MAP2: variants seen among roughly 807,000 people sequenced by gnomAD.
The protein encoded by MAP2 is microtubule-associated protein 2.
In MAP2, 14 loss-of-function variants were observed where a neutral mutation model predicts 137.6. The observed-to-expected ratio is 0.10, with a 90% CI of 0.07 to 0.16. The LOEUF (loss-of-function observed/expected upper bound fraction) is 0.16. MAP2 is among the 10% of genes least tolerant of loss of function. The probability of loss-of-function intolerance (pLI) is 1.00; values close to 1 mark genes in which losing one functional copy is unlikely to be tolerated. For missense variants in MAP2, 2,088 were observed against 2,191.5 expected (o/e 0.95, Z 0.94); for synonymous variants, 786 against 782.3 (o/e 1.00, Z -0.08).
intron 13 of MAP2, among the ~76,000 whole-genome samples, chr2:209,713,143 C>A (rs1034086236): frequency 6.6e-6 from 1 of 152,048 alleles, no homozygotes; most frequent in Non-Finnish European, 1.5e-5. Flanking sequence ...AAATTTGAAG[C>A]AATTAGGTTG....
At chr2:209,594,975 C>A (rs1308499304) in intron 3 of MAP2, among the ~76,000 whole-genome samples, 1 of 152,028 alleles carries the variant, frequency 6.6e-6, no homozygotes, top group East Asian at 1.9e-4. Flanking sequence ...ACAGGATAAC[C>A]CCTTCCCTAC....
chr2:209,457,230 C>T (rs1221680457), intron 1 of MAP2, among the ~76,000 whole-genome samples: 3 of 152,142 alleles, frequency 2.0e-5, no homozygotes, highest in Non-Finnish European at 4.4e-5. Context: ...GCTATGGCAG[C>T]TACCCAGATG....
chr2:209,690,556 A>G (rs1583527206), intron 7 of MAP2: 1 of 1,220,756 alleles, frequency 8.2e-7, no homozygotes, highest in Non-Finnish European at 1.0e-6. Context: ...CTGTCGTTTC[A>G]TGTATTGTTC....
intron 10 of MAP2, 78 bp downstream of exon 10, chr2:209,697,129 T>G: frequency 7.2e-7 from 1 of 1,389,648 alleles, no homozygotes; most frequent in East Asian, 2.4e-5. Flanking sequence ...TGTAGCAGCT[T>G]CTTCATTTTG....
At chr2:209,691,052 C>T (rs3768812) in intron 7 of MAP2, among the ~76,000 whole-genome samples, 77,808 of 152,112 alleles carry the variant, frequency 0.51, 21,857 homozygotes, top group Admixed American at 0.65. Context: ...GCAGCTGATT[C>T]CTGGTTTTCC....
chr2:209,516,532 A>G lies in MAP2; in HGVS notation c.-172+8891A>G, dbSNP rs548257369. 2.6e-5 allele frequency among the ~76,000 whole-genome samples: 4 copies of G among 152,190 alleles called. No individual in the cohort carries two copies. In the East Asian group the frequency reaches 7.7e-4, roughly 29 times the overall value. ...GGAGAATCAGTTAAACAACAGGAAT[A>G]AAAAAAGGGAAGGGTTAAGGAACTT... On this transcript the variant is annotated intron_variant, in intron 2 of 15. Coordinates refer to ENST00000682079, the MANE Select transcript of MAP2 (RefSeq NM_001375505.1).
At chr2:209,609,725 C>T (rs913446101) in intron 3 of MAP2, among the ~76,000 whole-genome samples, 6 of 152,142 alleles carry the variant, frequency 3.9e-5, no homozygotes, top group Non-Finnish European at 5.9e-5. Flanking sequence ...AGTTGACGGA[C>T]ATTTAAGTTG....
intron 1 of MAP2, among the ~76,000 whole-genome samples, chr2:209,468,393 C>T (rs1483042325): frequency 7.1e-6 from 1 of 140,292 alleles, no homozygotes; most frequent in Non-Finnish European, 1.5e-5. Context: ...CGATCTCGCT[C>T]ACTGCAAGCT....
chr2:209,445,965 A>T (rs1321974352), intron 1 of MAP2, among the ~76,000 whole-genome samples: 2 of 151,686 alleles, frequency 1.3e-5, no homozygotes, highest in Non-Finnish European at 3.0e-5. Context: ...GAATACCATA[A>T]AAAAATCAAT....
intron 4 of MAP2, among the ~76,000 whole-genome samples, chr2:209,640,458 T>C (rs995737223): frequency 2.6e-5 from 4 of 152,032 alleles, no homozygotes; most frequent in Non-Finnish European, 5.9e-5. Flanking sequence ...AAAACCAGAA[T>C]TGATTCTATA....
chr2:209,704,715 T>C, intron 11 of MAP2: 1 of 1,174,754 alleles, frequency 8.5e-7, no homozygotes, highest in Non-Finnish European at 1.2e-6. Context: ...TGAAAGCAAA[T>C]ACTTTACTCT....
intron 15 of MAP2, 40 bp downstream of exon 15, chr2:209,730,002 A>AAC: frequency 6.9e-7 from 1 of 1,441,172 alleles, no homozygotes; most frequent in Non-Finnish European, 9.7e-7. Context: ...TCTTTTTAAA[A>AAC]AAAATTCTTC....
intron 1 of MAP2, among the ~76,000 whole-genome samples, chr2:209,493,287 G>T (rs926941754): frequency 3.3e-5 from 5 of 152,148 alleles, no homozygotes; most frequent in Admixed American, 2.0e-4. Flanking sequence ...ATGCAAGATG[G>T]ATTAAAGATT....
chr2:209,488,339 A>G (rs925152037), intron 1 of MAP2, among the ~76,000 whole-genome samples: 2 of 152,110 alleles, frequency 1.3e-5, no homozygotes, highest in Non-Finnish European at 2.9e-5. Context: ...CCTGGGTTTC[A>G]AGCACAAAAC....
At chr2:209,705,927 G>A (rs1242337014) in intron 12 of MAP2, among the ~76,000 whole-genome samples, 200 bp downstream of exon 12, 3 of 152,078 alleles carry the variant, frequency 2.0e-5, no homozygotes, top group Non-Finnish European at 4.4e-5. Context: ...GGAGGAAATG[G>A]TAACATATTA....
At chr2:209,664,962 C>CAAAAAAAAAAAAAA (rs67286716) in intron 5 of MAP2, among the ~76,000 whole-genome samples, 7 of 51,782 alleles carry the variant, frequency 1.4e-4, no homozygotes, top group African/African-American at 1.7e-4. Context: ...AACTCCGTCT[C>CAAAAAAAAAAAAAA]AAAAAAAAAA....
chr2:209,676,920 C>A (rs563067268), intron 5 of MAP2, among the ~76,000 whole-genome samples: 17 of 151,380 alleles, frequency 1.1e-4, no homozygotes, highest in Non-Finnish European at 1.6e-4. Context: ...CGGCAATTCT[C>A]AAAACCTAAA....
intron 4 of MAP2, among the ~76,000 whole-genome samples, chr2:209,635,349 A>G (rs1478548307): frequency 2.0e-5 from 3 of 152,200 alleles, no homozygotes; most frequent in Non-Finnish European, 4.4e-5. Flanking sequence ...TAGCCAGTTA[A>G]AAACTCATTT....
intron 5 of MAP2, among the ~76,000 whole-genome samples, chr2:209,661,890 C>A (rs1275336896): frequency 6.6e-6 from 1 of 152,112 alleles, no homozygotes; most frequent in Non-Finnish European, 1.5e-5. Flanking sequence ...GTATTGCCAG[C>A]CACAGCGTTT....
Sources: allele counts gnomAD v4.1 joint callset (sites outside exome capture counted in the v4.1 genomes callset), GRCh38; gene constraint gnomAD v4.1.1; transcripts MANE v1.5; gene names NCBI Gene and HGNC (gene_info 2026-07-23, HGNC 2026-07-21).